Variants in RNF212B observed in about 807,000 individuals in gnomAD.
RNF212B encodes ring finger protein 212B.
In RNF212B, 52 loss-of-function variants were observed where a neutral mutation model predicts 55.5. The ratio of observed to expected loss-of-function variants is 0.94; its 90% CI spans 0.75 to 1.18. The LOEUF (loss-of-function observed/expected upper bound fraction) is 1.18, where lower values mean the gene tolerates loss of function less well. Ranked by LOEUF, RNF212B falls within the 50% of genes most tolerant of loss-of-function variation. The pLI is 0.00. For synonymous variants in RNF212B, 99 were observed against 121.4 expected (o/e 0.82, Z 1.21); for missense variants, 289 against 350.4 (o/e 0.82, Z 1.40).
intron 2 of RNF212B, among the ~76,000 whole-genome samples, chr14:23,231,789 G>C (rs1437699234): frequency 1.3e-5 from 2 of 152,194 alleles, no homozygotes; most frequent in African/African-American, 4.8e-5. Context: ...GCAGGCACGC[G>C]CCGCCACGCC....
chr14:23,270,519 C>A, intron 13 of RNF212B, 81 bp from the exon 14 acceptor site: 1 of 917,880 alleles, frequency 1.1e-6, no homozygotes, highest in South Asian at 1.4e-5. Flanking sequence ...TAAGAACTAC[C>A]TCATTACCCT....
intron 2 of RNF212B, among the ~76,000 whole-genome samples, chr14:23,198,632 C>T (rs982364613): frequency 6.6e-6 from 1 of 150,482 alleles, no homozygotes; most frequent in Non-Finnish European, 1.5e-5. Context: ...GCCGAGATCG[C>T]GCCATGGCAC....
intron 2 of RNF212B, among the ~76,000 whole-genome samples, chr14:23,216,096 A>T (rs1881044581): frequency 6.6e-6 from 1 of 152,192 alleles, no homozygotes; most frequent in African/African-American, 2.4e-5. Flanking sequence ...AATAAAAAAA[A>T]TTAGCTGAGT....
In RNF212B at chr14:23,213,017, A is replaced by G. The variant is rs187204154; in HGVS notation, c.-2+19616A>G. The stretch of plus-strand genomic sequence containing the variant: ...AAACATGTAAAAGACCTGTACACTA[A>G]AAATTATAACACAGGCCGGGCATGG... On this transcript the variant is annotated intron_variant, in intron 2 of 15. Transcript: ENST00000399910. 1.8e-3 allele frequency among the ~76,000 whole-genome samples: 269 copies of G among 152,152 alleles called. 1 individual carries two copies. The highest frequency in any genetic ancestry group is 5.9e-3 in the African/African-American group (243 of 41,508).
At chr14:23,229,753 G>C (rs1371614805) in intron 2 of RNF212B, among the ~76,000 whole-genome samples, 1 of 151,988 alleles carries the variant, frequency 6.6e-6, no homozygotes, top group African/African-American at 2.4e-5. Flanking sequence ...TTGTTGTTGA[G>C]TTGTTCTTTT....
chr14:23,194,706 G>C (rs1436423448), intron 2 of RNF212B, among the ~76,000 whole-genome samples: 1 of 123,272 alleles, frequency 8.1e-6, no homozygotes, highest in African/African-American at 3.1e-5. Context: ...CTGCACTCCA[G>C]CTTGGGCTAC....
rs188409469 is a variant in RNF212B, at chr14:23,255,820, G to T, written c.229-2729G>T. 6.6e-5 allele frequency among the ~76,000 whole-genome samples: 10 copies of T among 152,208 alleles called. No homozygotes were observed. In the East Asian group the frequency reaches 1.5e-3, roughly 23 times the overall value. ...GGGATTTGAAAGATTGCTAACTATT[G>T]GTAATTTTTTAAAGTACTGTACTGA... On this transcript the variant is annotated intron_variant, in intron 4 of 14. Transcript: ENST00000430154.
At chr14:23,187,196 G>A (rs1212971682) in intron 1 of RNF212B, among the ~76,000 whole-genome samples, 1 of 152,196 alleles carries the variant, frequency 6.6e-6, no homozygotes, top group Non-Finnish European at 1.5e-5. Context: ...ATGGATGAAA[G>A]GCCGTTTTCT....
At chr14:23,265,509 A>C (rs1278845731) in intron 11 of RNF212B, among the ~76,000 whole-genome samples, 1 of 152,232 alleles carries the variant, frequency 6.6e-6, no homozygotes, top group Admixed American at 6.5e-5. Context: ...TTCACAAGAA[A>C]GAATTTGAAA....
chr14:23,223,591 G>A (rs375043194), intron 2 of RNF212B, among the ~76,000 whole-genome samples: 61 of 152,240 alleles, frequency 4.0e-4, no homozygotes, highest in African/African-American at 1.2e-3. Context: ...TCCTGACCCC[G>A]TGATCTGCCC....
chr14:23,239,105 C>A (rs1683940985), intron 1 of RNF212B, among the ~76,000 whole-genome samples: 1 of 152,098 alleles, frequency 6.6e-6, no homozygotes, highest in Non-Finnish European at 1.5e-5. Context: ...ACTCTGTCGC[C>A]CAGGCTGGAG....
intron 1 of RNF212B, among the ~76,000 whole-genome samples, chr14:23,185,694 T>C (rs1318147316): frequency 1.3e-5 from 2 of 152,222 alleles, no homozygotes; most frequent in African/African-American, 4.8e-5. Context: ...AATACAGCGG[T>C]ACTAGGTGCA....
At chr14:23,202,999 G>GT (rs1015852032) in intron 2 of RNF212B, among the ~76,000 whole-genome samples, 49 of 151,840 alleles carry the variant, frequency 3.2e-4, no homozygotes, top group African/African-American at 1.2e-3. Flanking sequence ...TTTTCCATAG[G>GT]TTTTTTGGGG....
chr14:23,264,546 C>A, intron 10 of RNF212B, 77 bp from the exon 11 acceptor site: 3 of 995,894 alleles, frequency 3.0e-6, no homozygotes, highest in South Asian at 2.8e-5. Context: ...GAATGTGTAG[C>A]TATAGATAAA....
chr14:23,260,853 G>C (rs543537880), intron 7 of RNF212B, among the ~76,000 whole-genome samples, 166 bp downstream of exon 7: 1 of 152,336 alleles, frequency 6.6e-6, no homozygotes, highest in Admixed American at 6.5e-5. Flanking sequence ...AATCTTAATT[G>C]TAATGCTCAC....
At chr14:23,205,144 T>G (rs1438657198) in intron 2 of RNF212B, among the ~76,000 whole-genome samples, 2 of 152,142 alleles carry the variant, frequency 1.3e-5, no homozygotes, top group Non-Finnish European at 2.9e-5. Flanking sequence ...CATATACAAT[T>G]ATTTCTCTTT....
At chr14:23,248,739 C>T (rs530856480) in intron 4 of RNF212B, among the ~76,000 whole-genome samples, 3 of 152,300 alleles carry the variant, frequency 2.0e-5, no homozygotes, top group Admixed American at 6.5e-5. Flanking sequence ...CACGCCCGGC[C>T]CCCAAGCCTC....
At chr14:23,238,437 C>A (rs1156996346) in intron 1 of RNF212B, among the ~76,000 whole-genome samples, 2 of 151,794 alleles carry the variant, frequency 1.3e-5, no homozygotes, top group African/African-American at 4.8e-5. Context: ...CACACACATC[C>A]TACGAAAAGT....
At chr14:23,210,320 G>T (rs987912350) in intron 2 of RNF212B, among the ~76,000 whole-genome samples, 4 of 152,240 alleles carry the variant, frequency 2.6e-5, no homozygotes, top group Non-Finnish European at 4.4e-5. Context: ...TCTGACCAGA[G>T]AATGCTAATG....
Sources: allele counts gnomAD v4.1 joint callset (sites outside exome capture counted in the v4.1 genomes callset), GRCh38; gene constraint gnomAD v4.1.1; transcripts MANE v1.5; gene names NCBI Gene and HGNC (gene_info 2026-07-23, HGNC 2026-07-21).